GAPDH: variants seen among roughly 807,000 people sequenced by gnomAD.
The protein encoded by GAPDH is OCAS, p38 component.
A neutral mutation model predicts 31.2 loss-of-function variants in GAPDH; 13 were observed. That is an observed-to-expected ratio of 0.42 (90% CI 0.27 to 0.66). The LOEUF (loss-of-function observed/expected upper bound fraction) is 0.66, where lower values mean the gene tolerates loss of function less well. GAPDH is among the 30% of genes least tolerant of loss of function. The pLI, the probability that GAPDH is intolerant of heterozygous loss-of-function variation, is 0.26. For synonymous variants in GAPDH, 211 were observed against 166.9 expected, an observed-to-expected ratio of 1.26 and a Z score of -2.04; for missense variants, 300 against 443.7, an observed-to-expected ratio of 0.68 and a Z score of 2.91.
At chr12:6,534,723 G>C in intron 1 of GAPDH, 87 bp from the exon 2 acceptor site, 1 of 1,173,232 alleles carries the variant, frequency 8.5e-7, no homozygotes, top group Middle Eastern at 2.7e-4. Context: ...GCGCGGGCTG[G>C]GCATGGAGGC....
chr12:6,536,170 TG>T (rs1311172676), intron 2 of GAPDH, among the ~76,000 whole-genome samples: 1 of 152,198 alleles, frequency 6.6e-6, no homozygotes, highest in East Asian at 1.9e-4. Context: ...CAAGCATTCC[TG>T]GGGTGGCATA....
Position 6,534,524 on chromosome 12 carries a change from G to C in GAPDH, c.-69G>C. On this transcript the variant is annotated 5_prime_UTR_variant, in exon 1 of 9. Transcript: ENST00000229239. Reference sequence around the variant, plus strand: ...CCCGCAGCCTCCCGCTTCGCTCTCTGCTCCTCCTGTTCGACAGTCAGCCGC... The same window carrying C: ...CCCGCAGCCTCCCGCTTCGCTCTCTCCTCCTCCTGTTCGACAGTCAGCCGC... The C allele has an allele frequency of 2.2e-6, 1 of 463,108 alleles. No individual in the cohort carries two copies. Among genetic ancestry groups the C allele is most frequent in the Non-Finnish European group, 3.9e-6 (1 of 254,608 alleles). 28.7% of individuals were successfully genotyped at this position (463,108 alleles called of 1,614,324 possible).
rs1946433229 is a variant in GAPDH, at chr12:6,535,110, C to T, written c.29+249C>T. 3 of 798,448 alleles carry T rather than the reference C, an allele frequency of 3.8e-6. No individual in the cohort carries two copies. In the South Asian group the frequency reaches 7.2e-5, roughly 19 times the overall value. The allele number at this position is 798,448 out of a possible 1,614,324, so 49.5% of individuals were successfully genotyped here. ...CCTAGTCCCCAGAAACAGGAGGTCCCTACTCCCGCCCGAGATCCCGACCCG... is the reference window on the plus strand; with the variant it reads ...CCTAGTCCCCAGAAACAGGAGGTCCTTACTCCCGCCCGAGATCCCGACCCG... On this transcript the variant is annotated intron_variant, in intron 2 of 8. Coordinates refer to ENST00000229239, the MANE Select transcript of GAPDH (RefSeq NM_002046.7).
chr12:6,535,990 C>T (rs1426395474), intron 2 of GAPDH, among the ~76,000 whole-genome samples: 3 of 152,192 alleles, frequency 2.0e-5, no homozygotes, highest in Admixed American at 6.5e-5. Context: ...ATACAGCTTC[C>T]CCTCTTCCCA....
chr12:6,534,699 G>A (rs916682773), intron 1 of GAPDH, 111 bp from the exon 2 acceptor site: 3 of 954,444 alleles, frequency 3.1e-6, no homozygotes, highest in Middle Eastern at 3.0e-4. Flanking sequence ...GGGGCGGGCG[G>A]AGGACGTGAT....
chr12:6,537,431 T>C lies in GAPDH; in HGVS notation c.525+41T>C. ...AATGGGACTGAGGCTCCCACCTTTC[T>C]CATCCAAGACTGGCTCCTCCCTGCC... On this transcript the variant is annotated intron_variant, in intron 7 of 8. Transcript: ENST00000229239. The surrounding 1 kb of genome is among the most constrained non-coding windows in gnomAD (Gnocchi z 4.9). 1 of 1,595,306 alleles carries C rather than the reference T, an allele frequency of 6.3e-7. No individual in the cohort carries two copies. The highest frequency in any genetic ancestry group is 1.1e-5 in the South Asian group (1 of 90,696).
Position 6,538,248 on chromosome 12 carries a change from TCA to T in GAPDH, c.*79_*80del. ...CACTGCTGGGGAGTCCCTGCCACAC[TCA>T]GTCCCCCACCACACTGAATCTCCCC... On this transcript the variant is annotated 3_prime_UTR_variant, in exon 9 of 9. Coordinates refer to ENST00000229239, the MANE Select transcript of GAPDH (RefSeq NM_002046.7). The T allele has an allele frequency of 8.7e-7, 1 of 1,153,428 alleles. No homozygotes were observed. The highest frequency in any genetic ancestry group is 2.4e-5 in the East Asian group (1 of 42,492). The allele number at this position is 1,153,428 out of a possible 1,614,324, so 71.4% of individuals were successfully genotyped here.
In GAPDH at chr12:6,537,420, T is replaced by TC. The variant is rs1565554454; in HGVS notation, c.525+33dup. On this transcript the variant is annotated intron_variant, in intron 7 of 8. Transcript: ENST00000229239. This position sits in a 1 kb window ranked among gnomAD's most constrained non-coding sequence, Gnocchi z 4.9. ...GAGAGCTGGGGAATGGGACTGAGGC[T>TC]CCCACCTTTCTCATCCAAGACTGGC... The TC allele has an allele frequency of 6.3e-7, 1 of 1,598,952 alleles. No homozygotes were observed. The highest frequency in any genetic ancestry group is 1.3e-5 in the African/African-American group (1 of 74,772).
At position 6,537,861 on chromosome 12, in the gene GAPDH, G is replaced by T. The variant is rs1065740; in HGVS notation, c.803G>T (p.Gly268Val). ...IKKVVKQASE[G>V]PLKGILGYTE... is the part of the protein sequence containing the mutation. ...AAGGTGGTGAAGCAGGCGTCGGAGG[G>T]CCCCCTCAAGGGCATCCTGGGCTAC... is the stretch of plus-strand genomic sequence containing the variant. Residue 268 changes from glycine (G) to valine (V), a missense_variant, in exon 8 of 9, where the codon GGC (glycine) becomes GTC (valine). Physicochemically the swap from Gly to Val is moderately radical, Grantham distance 109. Transcript: ENST00000229239. The surrounding 1 kb of genome is among the most constrained non-coding windows in gnomAD (Gnocchi z 4.9). 2 of 1,612,820 alleles carry T rather than the reference G, an allele frequency of 1.2e-6. No individual in the cohort carries two copies. The highest frequency in any genetic ancestry group is 2.7e-5 in the African/African-American group (2 of 74,852).
Position 6,537,318 on chromosome 12 carries a change from C to T in GAPDH, c.453C>T (p.Ser151=). 1 of 1,611,136 alleles carries T rather than the reference C, an allele frequency of 6.2e-7. No individual in the cohort carries two copies. Among genetic ancestry groups the T allele is most frequent in the African/African-American group, 1.3e-5 (1 of 75,042 alleles). Residue 151 remains serine, a synonymous_variant, in exon 7 of 9, where the codon TCC becomes TCT. Transcript: ENST00000229239. This position sits in a 1 kb window ranked among gnomAD's most constrained non-coding sequence, Gnocchi z 4.9. ...DNSLKIISNA[S]CTTNCLAPLA... ...CCCTCTTTCTTTGCAGCAATGCCTCCTGCACCACCAACTGCTTAGCACCCC... is the reference window on the plus strand; with the variant it reads ...CCCTCTTTCTTTGCAGCAATGCCTCTTGCACCACCAACTGCTTAGCACCCC...
rs752211803 is a variant in GAPDH at position 6,538,089 on chromosome 12, T to C, written c.939-12T>C. 7 of 1,592,188 alleles carry C rather than the reference T, an allele frequency of 4.4e-6. No homozygotes were observed. The highest frequency in any genetic ancestry group is 5.1e-6 in the Non-Finnish European group (6 of 1,179,528). ...CAGAAAAAGGGCCCTGACAACTCTT[T>C]TCATCTTCTAGGTATGACAACGAAT... On this transcript the variant is annotated splice_polypyrimidine_tract_variant and intron_variant, in intron 8 of 8. Transcript: ENST00000229239.
At chr12:6,536,145 T>C (rs1488881769) in intron 2 of GAPDH, among the ~76,000 whole-genome samples, 1 of 152,228 alleles carries the variant, frequency 6.6e-6, no homozygotes, top group Admixed American at 6.5e-5. Context: ...AGGGTGCAGC[T>C]GAGCTAGGCA....
rs1044855297 is a variant in GAPDH at position 6,535,223 on chromosome 12, C to G, written c.29+362C>G. 5 of 1,093,746 alleles carry G rather than the reference C, an allele frequency of 4.6e-6. No individual in the cohort carries two copies. The African/African-American group carries it at 8.3e-5, about 18-fold the overall frequency. The allele number at this position is 1,093,746 out of a possible 1,614,324, so 67.8% of individuals were successfully genotyped here. ...AGCCCCTCCCCCACGGCCTCCGGCA[C>G]CGCAGGCCCCGGGATGCTAGTGCGC... On this transcript the variant is annotated intron_variant, in intron 2 of 8. Coordinates refer to ENST00000229239, the MANE Select transcript of GAPDH (RefSeq NM_002046.7).
In GAPDH at chr12:6,537,245, G is replaced by T; in HGVS notation, c.443+29G>T. 1 of 1,597,264 alleles carries T rather than the reference G, an allele frequency of 6.3e-7. No homozygotes were observed. Among genetic ancestry groups the T allele is most frequent in the Non-Finnish European group, 8.5e-7 (1 of 1,176,192 alleles). ...AGGAAGGCAGGGCCCGTGGAGAAGC[G>T]GCCAGCCTGGCACCCTATGGACACG... On this transcript the variant is annotated intron_variant, in intron 6 of 8. Transcript: ENST00000229239. This position sits in a 1 kb window ranked among gnomAD's most constrained non-coding sequence, Gnocchi z 4.9.
At position 6,535,118 on chromosome 12, in the gene GAPDH, G is replaced by T. The variant is rs1433980486; in HGVS notation, c.29+257G>T. On this transcript the variant is annotated intron_variant, in intron 2 of 8. Transcript: ENST00000229239. ...CCAGAAACAGGAGGTCCCTACTCCC[G>T]CCCGAGATCCCGACCCGGACCCCTA... The T allele has an allele frequency of 3.5e-6, 3 of 850,002 alleles. No individual in the cohort carries two copies. In the Admixed American group the frequency reaches 1.1e-4, roughly 32 times the overall value. The allele number at this position is 850,002 out of a possible 1,614,324, so 52.7% of individuals were successfully genotyped here.
chr12:6,536,810 G>A lies in GAPDH; in HGVS notation c.236+20G>A, dbSNP rs1206096783. 6.2e-7 allele frequency: 1 copy of A among 1,607,020 alleles called. No homozygotes were observed. The highest frequency in any genetic ancestry group is 8.5e-7 in the Non-Finnish European group (1 of 1,173,506). ...CCAGGAGTGAGTGGAAGACAGAATG[G>A]AAGAAATGTGCTTTGGGGAGGCAAC... On this transcript the variant is annotated intron_variant, in intron 4 of 8. Transcript: ENST00000229239.
chr12:6,534,553 T>A lies in GAPDH; in HGVS notation c.-40T>A. The A allele has an allele frequency of 1.9e-6, 1 of 517,464 alleles. No homozygotes were observed. Among genetic ancestry groups the A allele is most frequent in the Non-Finnish European group, 3.5e-6 (1 of 289,784 alleles). The allele number at this position is 517,464 out of a possible 1,614,324, so 32.1% of individuals were successfully genotyped here. A position where few individuals can be genotyped will look rare whatever the true frequency, so the allele number is the denominator to read the frequency against. ...CTCCTGTTCGACAGTCAGCCGCATC[T>A]TCTTTTGCGTCGCCAGGTGAAGACG... is the stretch of plus-strand genomic sequence containing the variant. On this transcript the variant is annotated 5_prime_UTR_variant, in exon 1 of 9. Transcript: ENST00000229239.
intron 1 of GAPDH, 30 bp downstream of exon 1, chr12:6,534,599 G>T (rs1346150622): frequency 3.5e-6 from 2 of 575,770 alleles, no homozygotes; most frequent in Non-Finnish European, 3.0e-6. Context: ...AACCCGGGAG[G>T]CTAGGGACGG....
Position 6,536,482 on chromosome 12 carries a change from CTT to C in GAPDH, c.30-11_30-10del, listed in dbSNP as rs771456301. ...CTCCCCTCCTCATGCCTTCTTGCCT[CTT>C]GTCTCTTAGATTTGGTCGTATTGGG... On this transcript the variant is annotated splice_polypyrimidine_tract_variant and intron_variant, in intron 2 of 8. Coordinates refer to ENST00000229239, the MANE Select transcript of GAPDH (RefSeq NM_002046.7). 10 of 1,606,438 alleles carry C rather than the reference CTT, an allele frequency of 6.2e-6. No homozygotes were observed. The highest frequency in any genetic ancestry group is 6.8e-6 in the Non-Finnish European group (8 of 1,173,416).
Sources: allele counts gnomAD v4.1 joint callset (sites outside exome capture counted in the v4.1 genomes callset), GRCh38; gene constraint gnomAD v4.1.1; non-coding constraint Gnocchi (gnomAD v3.1); transcripts MANE v1.5; gene names NCBI Gene and HGNC (gene_info 2026-07-23, HGNC 2026-07-21).